IL1RAPL1: variants seen among roughly 807,000 people sequenced by gnomAD.
IL1RAPL1 encodes the protein interleukin-1 receptor accessory protein-like 1.
Under a neutral mutation model 48.4 loss-of-function variants are expected in IL1RAPL1, and 3 were observed. The observed-to-expected ratio is 0.06, with a 90% CI of 0.03 to 0.16. The LOEUF (loss-of-function observed/expected upper bound fraction) is 0.16. Ranked by LOEUF, IL1RAPL1 falls within the 10% of genes least tolerant of loss-of-function variation. IL1RAPL1 has a pLI of 1.00. For missense variants in IL1RAPL1, 349 were observed against 530.6 expected, an observed-to-expected ratio of 0.66 and a Z score of 3.36; for synonymous variants, 185 against 187.7, an observed-to-expected ratio of 0.99 and a Z score of 0.12.
chrX:29,523,185 T>C (rs986646509), intron 5 of IL1RAPL1, among the ~76,000 whole-genome samples: 2 of 111,898 alleles, frequency 1.8e-5, no homozygotes, highest in African/African-American at 6.5e-5. Flanking sequence ...TGGTTAACAG[T>C]AAACAGTTAA....
chrX:29,690,845 C>T (rs1049268125), intron 6 of IL1RAPL1, among the ~76,000 whole-genome samples: 3 of 111,644 alleles, frequency 2.7e-5, no homozygotes, highest in Admixed American at 9.5e-5. Context: ...AATGTACTAG[C>T]GAGACATCAT....
In IL1RAPL1 at chrX:29,956,069, AC is replaced by A. The variant is rs1933415492; in HGVS notation, c.*250del. 2.5e-6 allele frequency: 1 copy of A among 397,378 alleles called. No homozygotes were observed. Among genetic ancestry groups the A allele is most frequent in the Admixed American group, 4.3e-5 (1 of 23,528 alleles). The allele number at this position is 397,378 out of a possible 1,213,427, so 32.7% of individuals were successfully genotyped here. ...ATATGTCGTTGGAATTTGTAAATTT[AC>A]ATTTTTTTTAAAGAAGAGACTGATG... On this transcript the variant is annotated 3_prime_UTR_variant, in exon 11 of 11. Transcript: ENST00000378993.
intron 6 of IL1RAPL1, among the ~76,000 whole-genome samples, chrX:29,766,404 CAA>C (rs1432895416): frequency 1.1e-4 from 9 of 85,471 alleles, no homozygotes; most frequent in African/African-American, 3.7e-4. Flanking sequence ...TATATATATC[CAA>C]ATATATATAT....
At chrX:29,949,334 G>A (rs1019727579) in intron 9 of IL1RAPL1, among the ~76,000 whole-genome samples, 7 of 111,976 alleles carry the variant, frequency 6.3e-5, no homozygotes, top group Admixed American at 2.8e-4. Flanking sequence ...TTCAATTTAA[G>A]AAGAAATATC....
chrX:29,922,995 CA>C (rs755939971), intron 8 of IL1RAPL1, among the ~76,000 whole-genome samples: 1 of 112,085 alleles, frequency 8.9e-6, no homozygotes, highest in African/African-American at 3.2e-5. Flanking sequence ...CCTTCCAGGA[CA>C]TTCCTTTGCC....
chrX:29,952,227 G>T (rs1366735076), intron 9 of IL1RAPL1, among the ~76,000 whole-genome samples: 1 of 111,689 alleles, frequency 9.0e-6, no homozygotes, highest in African/African-American at 3.3e-5. Context: ...AATGAATGAG[G>T]ATCTAATTAT....
chrX:28,851,030 T>G (rs1224186711), intron 2 of IL1RAPL1, among the ~76,000 whole-genome samples: 1 of 106,019 alleles, frequency 9.4e-6, no homozygotes, highest in East Asian at 3.0e-4. Context: ...GACTCTTTAC[T>G]AGGTCCACTA....
chrX:29,425,692 A>G (rs1033177050), intron 5 of IL1RAPL1, among the ~76,000 whole-genome samples: 2 of 110,597 alleles, frequency 1.8e-5, no homozygotes, highest in South Asian at 3.9e-4. Flanking sequence ...CAATCCGCCC[A>G]CCTCAGCATC....
chrX:29,363,333 G>T (rs1933401827), intron 3 of IL1RAPL1, among the ~76,000 whole-genome samples: 1 of 111,318 alleles, frequency 9.0e-6, no homozygotes, highest in Non-Finnish European at 1.9e-5. Context: ...TATACCCATT[G>T]TACAACTCCT....
chrX:29,647,286 G>T (rs1925362360), intron 5 of IL1RAPL1, among the ~76,000 whole-genome samples: 1 of 106,924 alleles, frequency 9.4e-6, no homozygotes, highest in Non-Finnish European at 1.9e-5. Flanking sequence ...GGAAGCGGAG[G>T]TTGCAGTGAG....
intron 6 of IL1RAPL1, among the ~76,000 whole-genome samples, chrX:29,840,335 A>G (rs1210466332): frequency 9.0e-6 from 1 of 111,711 alleles, no homozygotes; most frequent in East Asian, 2.8e-4. Flanking sequence ...GCTTTTCCCC[A>G]TTGATCTGTG....
chrX:28,672,044 TACAGGCTTAAATATCA>T (rs1934951448), intron 1 of IL1RAPL1, among the ~76,000 whole-genome samples: 1 of 112,446 alleles, frequency 8.9e-6, no homozygotes, highest in Non-Finnish European at 1.9e-5. Flanking sequence ...ATATAATCTC[TACAGGCTTAAATATCA>T]ACATTTGTAA....
At chrX:29,228,178 GCACACACACACACACACACACACACA>G (rs35435025) in intron 2 of IL1RAPL1, among the ~76,000 whole-genome samples, 2 of 84,388 alleles carry the variant, frequency 2.4e-5, no homozygotes, top group Non-Finnish European at 4.5e-5. Flanking sequence ...ACACACGCGT[GCACACACACACACACACACACACACA>G]CACACACACA....
At chrX:29,763,701 G>C (rs2147146649) in intron 6 of IL1RAPL1, among the ~76,000 whole-genome samples, 1 of 111,159 alleles carries the variant, frequency 9.0e-6, no homozygotes, top group Non-Finnish European at 1.9e-5. Context: ...GAACCAAAGA[G>C]GAACTACTTT....
At chrX:29,420,777 CTT>C (rs900033291) in intron 5 of IL1RAPL1, among the ~76,000 whole-genome samples, 17 of 112,296 alleles carry the variant, frequency 1.5e-4, no homozygotes, top group African/African-American at 4.8e-4. Flanking sequence ...TGATTTTAGT[CTT>C]TATCACAAAC....
chrX:29,364,029 C>G (rs1440605626), intron 3 of IL1RAPL1, among the ~76,000 whole-genome samples: 2 of 112,372 alleles, frequency 1.8e-5, no homozygotes, highest in Non-Finnish European at 3.8e-5. Flanking sequence ...GAAAACTTTT[C>G]TGATGTAGTT....
chrX:29,063,919 A>G lies in IL1RAPL1; in HGVS notation c.83-219019A>G, dbSNP rs141498054. Among the ~76,000 whole-genome samples, 1,061 of 111,853 alleles carry G rather than the reference A, an allele frequency of 9.5e-3. 15 individuals are homozygous for G. The highest frequency in any genetic ancestry group is 0.033 in the African/African-American group (1,020 of 30,754). On this transcript the variant is annotated intron_variant, in intron 2 of 10. Transcript: ENST00000378993. ...CCTATGTAAATATGAAAGTTACTCT[A>G]TGGGCCTATTTCCCTGAAATGTTGG...
chrX:28,896,575 T>C (rs1453146004), intron 2 of IL1RAPL1, among the ~76,000 whole-genome samples: 1 of 111,010 alleles, frequency 9.0e-6, no homozygotes, highest in Non-Finnish European at 1.9e-5. Context: ...GGAACAAAAC[T>C]GTAAGCTGGA....
chrX:29,116,763 G>C (rs1045507842), intron 2 of IL1RAPL1, among the ~76,000 whole-genome samples: 5 of 111,271 alleles, frequency 4.5e-5, no homozygotes, highest in Admixed American at 9.6e-5. Context: ...ATCGAAGAGA[G>C]TGAATGATGT....
Sources: allele counts gnomAD v4.1 joint callset (sites outside exome capture counted in the v4.1 genomes callset), GRCh38; gene constraint gnomAD v4.1.1; transcripts MANE v1.5; gene names NCBI Gene and HGNC (gene_info 2026-07-23, HGNC 2026-07-21).